Variants in CNTN5 observed in about 807,000 individuals in gnomAD.
The protein encoded by CNTN5 is contactin 5.
CNTN5 carries 77 observed loss-of-function variants against 129.1 expected under a neutral mutation model. That is an observed-to-expected ratio of 0.60 (90% CI 0.50 to 0.72). The LOEUF (loss-of-function observed/expected upper bound fraction) is 0.72. CNTN5 is among the 30% of genes least tolerant of loss of function. CNTN5 has a pLI of 0.00. For synonymous variants in CNTN5, 509 were observed against 465.6 expected (o/e 1.09, Z -1.20); for missense variants, 1,478 against 1,328.8 (o/e 1.11, Z -1.75).
intron 13 of CNTN5, among the ~76,000 whole-genome samples, chr11:100,089,003 A>G (rs1483168128): frequency 6.6e-6 from 1 of 152,110 alleles, no homozygotes; most frequent in East Asian, 1.9e-4. Context: ...AGCAAACCTA[A>G]TCTAAAGGCA....
At chr11:100,203,942 T>C (rs1948848868) in intron 15 of CNTN5, among the ~76,000 whole-genome samples, 1 of 151,792 alleles carries the variant, frequency 6.6e-6, no homozygotes, top group South Asian at 2.1e-4. Flanking sequence ...TATCATGTTC[T>C]CACATGCTGA....
At chr11:99,542,223 G>C (rs978476664) in intron 2 of CNTN5, among the ~76,000 whole-genome samples, 1 of 151,886 alleles carries the variant, frequency 6.6e-6, no homozygotes, top group Non-Finnish European at 1.5e-5. Flanking sequence ...ATTTATTGTT[G>C]ACTATAGTCA....
At chr11:99,969,218 T>C (rs1376296910) in intron 8 of CNTN5, among the ~76,000 whole-genome samples, 1 of 152,172 alleles carries the variant, frequency 6.6e-6, no homozygotes, top group African/African-American at 2.4e-5. Context: ...ACTTAATACG[T>C]GGTAACAAAT....
At chr11:99,430,885 T>C (rs2135102690) in intron 2 of CNTN5, among the ~76,000 whole-genome samples, 1 of 152,196 alleles carries the variant, frequency 6.6e-6, no homozygotes, top group South Asian at 2.1e-4. Context: ...GTGGCTGTCA[T>C]TGCTGTTTCT....
intron 6 of CNTN5, among the ~76,000 whole-genome samples, chr11:99,889,485 G>T (rs553091952): frequency 4.1e-5 from 6 of 147,712 alleles, no homozygotes; most frequent in Admixed American, 6.8e-5. Flanking sequence ...AGTCCAACAA[G>T]CTCAAAACAT....
intron 24 of CNTN5, among the ~76,000 whole-genome samples, chr11:100,351,657 T>TAAAAAAA (rs60798966): frequency 9.6e-6 from 1 of 103,630 alleles, no homozygotes; most frequent in African/African-American, 3.4e-5. Flanking sequence ...GTAGAGATAG[T>TAAAAAAA]AAAAAAAAAA....
intron 1 of CNTN5, among the ~76,000 whole-genome samples, chr11:99,258,464 A>G (rs1262487365): frequency 6.6e-6 from 1 of 152,088 alleles, no homozygotes; most frequent in Non-Finnish European, 1.5e-5. Flanking sequence ...ACCTAGTCTT[A>G]CTTATTGTAC....
intron 6 of CNTN5, among the ~76,000 whole-genome samples, chr11:99,861,998 A>C (rs2135771744): frequency 6.6e-6 from 1 of 152,314 alleles, no homozygotes; most frequent in Admixed American, 6.5e-5. Context: ...GAGCTTTCAA[A>C]ATTTAGGAAT....
intron 1 of CNTN5, among the ~76,000 whole-genome samples, chr11:99,076,494 T>A (rs1232983106): frequency 6.6e-6 from 1 of 151,836 alleles, no homozygotes; most frequent in Non-Finnish European, 1.5e-5. Flanking sequence ...ACCTAAAGAA[T>A]CCTAAATGTG....
intron 2 of CNTN5, among the ~76,000 whole-genome samples, chr11:99,425,400 C>T (rs550961812): frequency 2.6e-5 from 4 of 152,196 alleles, no homozygotes; most frequent in Admixed American, 6.5e-5. Context: ...CCATCCATGG[C>T]GCCAAGGTTG....
intron 10 of CNTN5, among the ~76,000 whole-genome samples, chr11:100,062,946 G>A (rs1306678513): frequency 6.6e-6 from 1 of 152,126 alleles, no homozygotes; most frequent in Non-Finnish European, 1.5e-5. Flanking sequence ...CACACCAACA[G>A]TTTGAAGTAT....
At chr11:99,941,878 A>C (rs1339523337) in intron 7 of CNTN5, among the ~76,000 whole-genome samples, 1 of 152,104 alleles carries the variant, frequency 6.6e-6, no homozygotes, top group Non-Finnish European at 1.5e-5. Context: ...TGTCAGTCCT[A>C]ATAGAGTTTA....
At chr11:99,727,156 A>C (rs1215740130) in intron 3 of CNTN5, among the ~76,000 whole-genome samples, 1 of 145,508 alleles carries the variant, frequency 6.9e-6, no homozygotes, top group Non-Finnish European at 1.5e-5. Context: ...AATACAAAAA[A>C]TTAGCCGGGC....
At chr11:99,669,415 G>T (rs1170040744) in intron 3 of CNTN5, among the ~76,000 whole-genome samples, 1 of 151,412 alleles carries the variant, frequency 6.6e-6, no homozygotes, top group East Asian at 1.9e-4. Flanking sequence ...AGCAGTTCTT[G>T]ACTACCTTTT....
intron 1 of CNTN5, among the ~76,000 whole-genome samples, chr11:99,159,995 AG>A (rs1207726548): frequency 1.3e-5 from 2 of 152,208 alleles, no homozygotes; most frequent in Non-Finnish European, 2.9e-5. Flanking sequence ...TCTTAGACAC[AG>A]GGAGCACAGG....
chr11:99,334,289 G>A (rs1440699936), intron 2 of CNTN5, among the ~76,000 whole-genome samples: 1 of 152,074 alleles, frequency 6.6e-6, no homozygotes, highest in Non-Finnish European at 1.5e-5. Flanking sequence ...TCAATGAATT[G>A]AGAATTGACA....
chr11:100,256,215 C>G (rs537724540), intron 17 of CNTN5, among the ~76,000 whole-genome samples: 1 of 152,280 alleles, frequency 6.6e-6, no homozygotes, highest in Admixed American at 6.5e-5. Flanking sequence ...ACCCACTCCC[C>G]AGCTTCCTGC....
At chr11:100,247,597 C>T (rs983477214) in intron 16 of CNTN5, among the ~76,000 whole-genome samples, 4 of 151,878 alleles carry the variant, frequency 2.6e-5, no homozygotes, top group East Asian at 3.9e-4. Flanking sequence ...TCTGCCAGCC[C>T]GGGATGTCAA....
At chr11:99,426,231 A>G (rs1164456136) in intron 2 of CNTN5, among the ~76,000 whole-genome samples, 2 of 152,192 alleles carry the variant, frequency 1.3e-5, no homozygotes, top group African/African-American at 4.8e-5. Flanking sequence ...TGAATTTACA[A>G]TTTGGTTTTT....
Sources: gnomAD v4.1 joint callset for allele counts (sites outside exome capture counted in the v4.1 genomes callset) on GRCh38, gnomAD v4.1.1 for gene constraint, MANE v1.5 for transcripts, NCBI Gene and HGNC (gene_info 2026-07-23, HGNC 2026-07-21) for gene names.